The following MIA2 variants were observed in gnomAD, a reference collection of about 807,000 sequenced individuals.
The protein encoded by MIA2 is melanoma inhibitory activity protein 2.
Under a neutral mutation model 167.8 loss-of-function variants are expected in MIA2, and 127 were observed. The observed-to-expected ratio is 0.76, with a 90% confidence interval of 0.66 to 0.88. The LOEUF is 0.88. MIA2 is among the 40% of genes least tolerant of loss of function. The probability of loss-of-function intolerance (pLI) is 0.00; values close to 1 mark genes in which losing one functional copy is unlikely to be tolerated. For synonymous variants in MIA2, 552 were observed against 541.9 expected (o/e 1.02, Z -0.26); for missense variants, 1,690 against 1,624.7 (o/e 1.04, Z -0.69).
chr14:39,299,892 A>C lies in MIA2; in HGVS notation c.2525A>C (p.Glu842Ala). ...QLLQEAEVWK[E>A]QVSELNKQKV... is the part of the protein sequence containing the mutation. ...TTGCAAGAAGCTGAAGTATGGAAAG[A>C]ACAAGTGAGTGAACTTAATAAACAG... Residue 842 changes from glutamate to alanine, a missense_variant, in exon 14 of 29, where the codon GAA becomes GCA. By Grantham distance (107) the Glu-to-Ala change is moderately radical. Coordinates refer to ENST00000640607, the MANE Select transcript of MIA2 (RefSeq NM_001329214.4). The C allele has an allele frequency of 6.2e-7, 1 of 1,608,794 alleles. No homozygotes were observed. Among genetic ancestry groups the C allele is most frequent in the Non-Finnish European group, 8.5e-7 (1 of 1,178,720 alleles).
intron 23 of MIA2, among the ~76,000 whole-genome samples, chr14:39,358,329 T>C (rs1014485839): frequency 2.6e-5 from 4 of 152,238 alleles, no homozygotes; most frequent in African/African-American, 9.6e-5. Context: ...ATACCCTTTC[T>C]TCCAGTTGAT....
chr14:39,327,576 C>T (rs561856237), intron 25 of MIA2, among the ~76,000 whole-genome samples: 2 of 152,154 alleles, frequency 1.3e-5, no homozygotes, highest in Non-Finnish European at 2.9e-5. Context: ...TCAACAGCTG[C>T]ATCATCTACA....
chr14:39,325,584 G>A (rs185892950), intron 24 of MIA2, among the ~76,000 whole-genome samples: 35 of 151,184 alleles, frequency 2.3e-4, no homozygotes, highest in African/African-American at 7.3e-4. Flanking sequence ...AGCCAGGATG[G>A]TCTCGATCTC....
At chr14:39,278,294 G>A (rs1340508673) in intron 7 of MIA2, among the ~76,000 whole-genome samples, 7 of 151,832 alleles carry the variant, frequency 4.6e-5, no homozygotes, top group African/African-American at 9.7e-5. Flanking sequence ...TGCATTTTTG[G>A]GACTGCTATT....
intron 23 of MIA2, among the ~76,000 whole-genome samples, chr14:39,358,736 T>G (rs181037107): frequency 1.1e-4 from 17 of 152,108 alleles, no homozygotes; most frequent in Non-Finnish European, 2.1e-4. Context: ...TTTTGGTGTT[T>G]ATGTCCTTTC....
Position 39,385,742 on chromosome 14 carries a change from T to G in MIA2, c.2249-1143T>G, listed in dbSNP as rs770385300. On this transcript the variant is annotated intron_variant, in intron 23 of 23. Transcript: ENST00000341502. Reference sequence around the variant, plus strand: ...TCCTTCTTACGTGTCTCTACCGGATTCTGGATAATAGTAGATGAATTTGTT... The same window carrying G: ...TCCTTCTTACGTGTCTCTACCGGATGCTGGATAATAGTAGATGAATTTGTT... The G allele has an allele frequency of 8.9e-5, 80 of 894,250 alleles. No individual in the cohort carries two copies. In the Middle Eastern group the frequency reaches 9.9e-4, roughly 11 times the overall value. The allele number at this position is 894,250 out of a possible 1,614,324, so 55.4% of individuals were successfully genotyped here.
intron 6 of MIA2, chr14:39,265,193 G>T (rs753261679): frequency 3.7e-6 from 2 of 538,398 alleles, no homozygotes; most frequent in Non-Finnish European, 6.5e-6. Flanking sequence ...CAACGAGTGA[G>T]GTCCATGAAA....
intron 23 of MIA2, among the ~76,000 whole-genome samples, chr14:39,373,470 AGAGCAT>A (rs2074989707): frequency 1.3e-5 from 2 of 152,256 alleles, no homozygotes; most frequent in Non-Finnish European, 2.9e-5. Context: ...CACAAAGAGC[AGAGCAT>A]TATGAAACAG....
At chr14:39,311,955 G>A (rs945520779) in intron 18 of MIA2, among the ~76,000 whole-genome samples, 3 of 150,872 alleles carry the variant, frequency 2.0e-5, no homozygotes, top group Admixed American at 1.3e-4. Context: ...TCAGACTCCC[G>A]AGTAGCTGGG....
intron 23 of MIA2, among the ~76,000 whole-genome samples, chr14:39,362,037 C>A (rs1196730745): frequency 2.0e-5 from 3 of 152,030 alleles, no homozygotes; most frequent in Non-Finnish European, 4.4e-5. Context: ...GGGATAAAAC[C>A]CACTTGAATA....
rs764058557 is a variant in MIA2 at position 39,252,831 on chromosome 14, A to G, written c.1651A>G (p.Asn551Asp). The G allele has an allele frequency of 1.2e-6, 2 of 1,613,870 alleles. No homozygotes were observed. The highest frequency in any genetic ancestry group is 1.7e-6 in the Non-Finnish European group (2 of 1,179,910). ...CTCATCTTCTAAAGATAGTGATGAAAATTCGAAACCATCAGTAGACACCGA... is the reference window on the plus strand; with the variant it reads ...CTCATCTTCTAAAGATAGTGATGAAGATTCGAAACCATCAGTAGACACCGA... ...EPSSSKDSDE[N>D]SKPSVDTEGP... The change falls in exon 5 of 29, where the codon AAT becomes GAT. Residue 551 changes from asparagine (N) to aspartate (D), a missense_variant. By Grantham distance (23) the Asn-to-Asp change is conservative. Transcript: ENST00000640607.
At chr14:39,361,105 C>G (rs2074672917) in intron 23 of MIA2, among the ~76,000 whole-genome samples, 1 of 152,140 alleles carries the variant, frequency 6.6e-6, no homozygotes, top group African/African-American at 2.4e-5. Context: ...CTTGATCTTG[C>G]TCAGGATTGC....
chr14:39,245,412 G>C (rs1255938303), intron 3 of MIA2, among the ~76,000 whole-genome samples: 1 of 152,036 alleles, frequency 6.6e-6, no homozygotes, highest in African/African-American at 2.4e-5. Flanking sequence ...AAATCCCATA[G>C]TATTTTTTAA....
chr14:39,334,323 A>C (rs2069755398), intron 25 of MIA2, among the ~76,000 whole-genome samples: 1 of 151,894 alleles, frequency 6.6e-6, no homozygotes, highest in Admixed American at 6.6e-5. Context: ...AAAAATACAA[A>C]AATTAGCTGG....
intron 28 of MIA2, among the ~76,000 whole-genome samples, chr14:39,349,315 T>C (rs555874370): frequency 1.6e-4 from 24 of 152,224 alleles, no homozygotes; most frequent in Non-Finnish European, 3.1e-4. Flanking sequence ...GTGAAAATAA[T>C]AACTTATATT....
At chr14:39,288,463 A>ATTTTTTTTTT (rs1371000878) in intron 9 of MIA2, among the ~76,000 whole-genome samples, 1 of 29,924 alleles carries the variant, frequency 3.3e-5, no homozygotes. Context: ...ATATATATAT[A>ATTTTTTTTTT]TATATATATA....
intron 20 of MIA2, 23 bp downstream of exon 20, chr14:39,314,822 G>GTGTGTGTGTGTA: frequency 8.2e-7 from 1 of 1,218,916 alleles, no homozygotes. Context: ...GTGTGTGTGT[G>GTGTGTGTGTGTA]TGTGTGTGTG....
chr14:39,277,716 G>T (rs1490448817), intron 7 of MIA2, among the ~76,000 whole-genome samples: 5 of 2,220 alleles, frequency 2.3e-3, no homozygotes, highest in African/African-American at 3.0e-3. Context: ...ATATATATAT[G>T]TGTGTATATA....
chr14:39,367,076 G>GT (rs2074837346), intron 23 of MIA2, among the ~76,000 whole-genome samples: 1 of 152,178 alleles, frequency 6.6e-6, no homozygotes, highest in South Asian at 2.1e-4. Context: ...TGGAGGCAGG[G>GT]TTTTTATCAA....
Sources: gnomAD v4.1 joint callset for allele counts (sites outside exome capture counted in the v4.1 genomes callset) on GRCh38, gnomAD v4.1.1 for gene constraint, MANE v1.5 for transcripts, NCBI Gene and HGNC (gene_info 2026-07-23, HGNC 2026-07-21) for gene names.